The following CLTC variants were observed in gnomAD, a reference collection of about 807,000 sequenced individuals.
CLTC encodes clathrin heavy chain 1.
Under a neutral mutation model 195.8 loss-of-function variants are expected in CLTC, and 16 were observed. The observed-to-expected ratio is 0.08, with a 90% CI of 0.06 to 0.12. CLTC has a LOEUF of 0.12. Among genes scored for constraint, CLTC ranks in the 10% least tolerant of loss-of-function variants. CLTC has a pLI of 1.00. For missense variants in CLTC, 796 were observed against 2,027.0 expected, an observed-to-expected ratio of 0.39 and a Z score of 11.66; for synonymous variants, 667 against 689.4, an observed-to-expected ratio of 0.97 and a Z score of 0.51.
intron 1 of CLTC, among the ~76,000 whole-genome samples, chr17:59,637,698 CAAAAA>C (rs35693192): frequency 8.8e-6 from 1 of 113,538 alleles, no homozygotes. Context: ...CCTATCTCTA[CAAAAA>C]AAAAAAAAAA....
intron 18 of CLTC, 29 bp from the exon 19 acceptor site, chr17:59,680,883 A>C (rs1336379180): frequency 2.6e-6 from 4 of 1,525,846 alleles, no homozygotes; most frequent in African/African-American, 2.8e-5. Context: ...CTTGATTCTC[A>C]GTACTTATGT....
intron 1 of CLTC, among the ~76,000 whole-genome samples, chr17:59,620,877 C>T (rs896261805): frequency 6.6e-6 from 1 of 152,184 alleles, no homozygotes; most frequent in Admixed American, 6.5e-5. Flanking sequence ...ACTCGCCTCC[C>T]CTTCCCCCTT....
At chr17:59,641,391 A>G (rs1393793607) in intron 1 of CLTC, among the ~76,000 whole-genome samples, 2 of 151,960 alleles carry the variant, frequency 1.3e-5, no homozygotes, top group Non-Finnish European at 2.9e-5. Context: ...CCATGAGGTC[A>G]GGAGATCGAG....
Position 59,619,912 on chromosome 17 carries a change from G to C in CLTC, c.-220G>C. On this transcript the variant is annotated 5_prime_UTR_variant, in exon 1 of 32. Coordinates refer to ENST00000269122, the MANE Select transcript of CLTC (RefSeq NM_004859.4). ...CTGGGCTCAGCCGTTTCCGGAGTCT[G>C]CGCTGCGCCCGGTTCCGCCATTGCG... The C allele has an allele frequency of 1.9e-6, 1 of 534,188 alleles. No homozygotes were observed. The allele number at this position is 534,188 out of a possible 1,614,324, so 33.1% of individuals were successfully genotyped here.
At chr17:59,641,930 C>A (rs752295679) in intron 1 of CLTC, among the ~76,000 whole-genome samples, 4 of 151,528 alleles carry the variant, frequency 2.6e-5, no homozygotes, top group Admixed American at 1.3e-4. Flanking sequence ...TCAAGTGATC[C>A]TCTCATCTCA....
intron 31 of CLTC, among the ~76,000 whole-genome samples, chr17:59,692,839 C>T (rs1431996243): frequency 1.3e-5 from 2 of 151,976 alleles, no homozygotes; most frequent in African/African-American, 4.8e-5. Context: ...GGGGTTTCAC[C>T]ATATCGGCCA....
intron 17 of CLTC, among the ~76,000 whole-genome samples, chr17:59,677,961 C>T (rs1165579627): frequency 6.6e-6 from 1 of 152,126 alleles, no homozygotes; most frequent in Non-Finnish European, 1.5e-5. Context: ...CAAAAGGAAA[C>T]CCTGTATTAA....
chr17:59,668,129 AG>A (rs1218963913), intron 13 of CLTC, among the ~76,000 whole-genome samples: 1 of 152,232 alleles, frequency 6.6e-6, no homozygotes, highest in Non-Finnish European at 1.5e-5. Flanking sequence ...TTATATTGGA[AG>A]GCAAAGATAA....
intron 28 of CLTC, 63 bp downstream of exon 28, chr17:59,684,048 T>TA (rs35278536): frequency 9.4e-7 from 1 of 1,061,990 alleles, no homozygotes; most frequent in Non-Finnish European, 1.4e-6. Context: ...TCCCATTTTT[T>TA]AAAAAAGCCA....
At chr17:59,621,481 G>T (rs565364897) in intron 1 of CLTC, among the ~76,000 whole-genome samples, 91 of 152,234 alleles carry the variant, frequency 6.0e-4, no homozygotes, top group African/African-American at 1.9e-3. Context: ...ATACATAAAG[G>T]ATTCTTGTTA....
chr17:59,669,937 T>C (rs2032810162), intron 14 of CLTC, among the ~76,000 whole-genome samples: 1 of 152,190 alleles, frequency 6.6e-6, no homozygotes, highest in African/African-American at 2.4e-5. Flanking sequence ...GGCTCTAGAT[T>C]AAATAGCAAA....
intron 16 of CLTC, 33 bp from the exon 17 acceptor site, chr17:59,676,921 T>G: frequency 7.0e-7 from 1 of 1,431,194 alleles, no homozygotes. Flanking sequence ...TAATACAGTA[T>G]GTGTGTGTGA....
intron 1 of CLTC, among the ~76,000 whole-genome samples, chr17:59,642,497 G>T (rs2032067239): frequency 6.6e-6 from 1 of 152,086 alleles, no homozygotes; most frequent in African/African-American, 2.4e-5. Context: ...CCACTGGAAT[G>T]TTTTCTCCAA....
At chr17:59,673,266 A>G (rs1003198984) in intron 14 of CLTC, among the ~76,000 whole-genome samples, 3 of 152,190 alleles carry the variant, frequency 2.0e-5, no homozygotes, top group Non-Finnish European at 4.4e-5. Context: ...CATTTATGCC[A>G]TATGTTTGAC....
intron 3 of CLTC, among the ~76,000 whole-genome samples, 170 bp downstream of exon 3, chr17:59,647,836 T>C (rs111610931): frequency 7.2e-5 from 11 of 152,046 alleles, no homozygotes; most frequent in Non-Finnish European, 5.9e-5. Flanking sequence ...CCTTCCTCCC[T>C]CCCTTCTCTT....
In CLTC at chr17:59,648,553, T is replaced by A; in HGVS notation, c.681+152T>A. 1.5e-6 allele frequency: 1 copy of A among 672,606 alleles called. No homozygotes were observed. The highest frequency in any genetic ancestry group is 2.5e-6 in the Non-Finnish European group (1 of 398,740). 41.7% of individuals were successfully genotyped at this position (672,606 alleles called of 1,614,324 possible). On this transcript the variant is annotated intron_variant, in intron 4 of 31. Transcript: ENST00000269122. The surrounding 1 kb of genome is among the most constrained non-coding windows in gnomAD (Gnocchi z 4.5). ...ACTTAATTTGTTCAAATTTTGCATC[T>A]AGTGATACTTGTCTAAAATGAATAA...
chr17:59,650,262 T>C (rs1171587655), intron 4 of CLTC, among the ~76,000 whole-genome samples: 1 of 152,186 alleles, frequency 6.6e-6, no homozygotes, highest in Non-Finnish European at 1.5e-5. Context: ...ATGGGATGTT[T>C]GTGATTAGAG....
intron 1 of CLTC, among the ~76,000 whole-genome samples, chr17:59,622,780 CAAG>C (rs2031423597): frequency 6.6e-6 from 1 of 152,148 alleles, no homozygotes; most frequent in African/African-American, 2.4e-5. Context: ...AAACTGGAAA[CAAG>C]AAATGGGGAA....
At position 59,681,149 on chromosome 17, in the gene CLTC, A is replaced by G. The variant is rs8077475; in HGVS notation, c.3065+92A>G. The G allele has an allele frequency of 8.7e-4, 1,306 of 1,504,976 alleles. 15 individuals are homozygous for G. In the African/African-American group the frequency reaches 0.016, roughly 18 times the overall value. The allele number at this position is 1,504,976 out of a possible 1,614,324, so 93.2% of individuals were successfully genotyped here. A position where few individuals can be genotyped will look rare whatever the true frequency, so the allele number is the denominator to read the frequency against. Reference sequence around the variant, plus strand: ...TTGGGAAGGAACAAAAAGATCAGAGAAAGTTGCCTGAATTCTCACTCTTCT... The same window carrying G: ...TTGGGAAGGAACAAAAAGATCAGAGGAAGTTGCCTGAATTCTCACTCTTCT... On this transcript the variant is annotated intron_variant, in intron 19 of 31. Transcript: ENST00000269122. The surrounding 1 kb of genome is among the most constrained non-coding windows in gnomAD (Gnocchi z 5.0).
Sources: gnomAD v4.1 joint callset for allele counts (sites outside exome capture counted in the v4.1 genomes callset) on GRCh38, gnomAD v4.1.1 for gene constraint, Gnocchi (gnomAD v3.1) non-coding constraint, MANE v1.5 for transcripts, NCBI Gene and HGNC (gene_info 2026-07-23, HGNC 2026-07-21) for gene names.